Variants in KCNN3 observed in about 807,000 individuals in gnomAD.
KCNN3 encodes the protein potassium calcium-activated channel subfamily N member 3.
A neutral mutation model predicts 62.9 loss-of-function variants in KCNN3; 16 were observed. The observed-to-expected ratio is 0.25, with a 90% CI of 0.17 to 0.39. KCNN3 has a LOEUF of 0.39. Among genes scored for constraint, KCNN3 ranks in the 10% least tolerant of loss-of-function variants. KCNN3 has a pLI of 1.00. For missense variants in KCNN3, 599 were observed against 949.4 expected, an observed-to-expected ratio of 0.63 and a Z score of 4.85; for synonymous variants, 370 against 389.2, an observed-to-expected ratio of 0.95 and a Z score of 0.58.
rs1381000458 is a variant in KCNN3 at position 154,715,019 on chromosome 1, T to C, written c.1702-16A>G. On this transcript the variant is annotated splice_polypyrimidine_tract_variant and intron_variant, in intron 5 of 7. Coordinates refer to ENST00000271915, the MANE Select transcript of KCNN3 (RefSeq NM_002249.6). ...CATTCTTGATCTAAGGAAGAATAAA[T>C]AAAGTAGGCTGCTATCAGGTTCATT... 16 of 1,613,398 alleles carry C rather than the reference T, an allele frequency of 9.9e-6. No homozygotes were observed. The highest frequency in any genetic ancestry group is 1.7e-4 in the Middle Eastern group (1 of 6,056).
At chr1:154,798,843 C>T (rs752260959) in intron 2 of KCNN3, among the ~76,000 whole-genome samples, 45 of 152,174 alleles carry the variant, frequency 3.0e-4, no homozygotes, top group Middle Eastern at 6.8e-3. Flanking sequence ...TACCACCTCA[C>T]TATACTGTGG....
intron 2 of KCNN3, among the ~76,000 whole-genome samples, chr1:154,813,410 G>A (rs560067239): frequency 2.7e-4 from 41 of 152,200 alleles, no homozygotes; most frequent in African/African-American, 9.4e-4. Flanking sequence ...CTCCCGGGCC[G>A]CCTCCTCTTC....
chr1:154,782,580 G>A (rs896823340), intron 2 of KCNN3, among the ~76,000 whole-genome samples: 1 of 152,190 alleles, frequency 6.6e-6, no homozygotes, highest in Non-Finnish European at 1.5e-5. Flanking sequence ...CTTTCTCCAA[G>A]GCAGTTACAT....
chr1:154,868,988 A>G (rs1653069657), intron 1 of KCNN3, 44 bp downstream of exon 1: 2 of 1,582,524 alleles, frequency 1.3e-6, no homozygotes, highest in African/African-American at 1.4e-5. Flanking sequence ...TGCTACCTAC[A>G]TATTCCTTTT....
chr1:154,732,368 G>A (rs1700615130), intron 4 of KCNN3, among the ~76,000 whole-genome samples: 1 of 152,236 alleles, frequency 6.6e-6, no homozygotes, highest in Non-Finnish European at 1.5e-5. Context: ...CACCTGCTGG[G>A]CACCTGGAGA....
At chr1:154,752,077 C>T (rs1451720210) in intron 3 of KCNN3, among the ~76,000 whole-genome samples, 3 of 152,126 alleles carry the variant, frequency 2.0e-5, no homozygotes, top group Admixed American at 1.3e-4. Flanking sequence ...GTTAAGTCCT[C>T]GAAAGGCCTC....
Position 154,700,103 on chromosome 1 carries a change from A to T in KCNN3, c.*7873T>A, listed in dbSNP as rs767677674. On this transcript the variant is annotated 3_prime_UTR_variant, in exon 8 of 8. Coordinates refer to ENST00000271915, the MANE Select transcript of KCNN3 (RefSeq NM_002249.6). ...TTCACATCTTCAAATAATTCTGTAA[A>T]TGAGACTCAAGGAAGAGATAGCTTC... The T allele has an allele frequency of 8.5e-5, 13 of 152,130 alleles. No individual in the cohort carries two copies. Among genetic ancestry groups the T allele is most frequent in the Non-Finnish European group, 1.6e-4 (11 of 68,034 alleles). The allele number at this position is 152,130 out of a possible 1,614,324, so 9.4% of individuals were successfully genotyped here. A position where few individuals can be genotyped will look rare whatever the true frequency, so the allele number is the denominator to read the frequency against.
intron 3 of KCNN3, among the ~76,000 whole-genome samples, chr1:154,751,334 C>T (rs916057309): frequency 3.3e-5 from 5 of 152,182 alleles, no homozygotes; most frequent in South Asian, 2.1e-4. Context: ...CTCCCATTCT[C>T]GGGACAACTA....
chr1:154,798,070 C>T (rs1416532087), intron 2 of KCNN3, among the ~76,000 whole-genome samples: 1 of 152,216 alleles, frequency 6.6e-6, no homozygotes, highest in Non-Finnish European at 1.5e-5. Flanking sequence ...GACTGCCATA[C>T]TAAATCATCC....
intron 3 of KCNN3, among the ~76,000 whole-genome samples, chr1:154,737,376 G>T (rs1390676611): frequency 6.6e-6 from 1 of 152,140 alleles, no homozygotes; most frequent in Admixed American, 6.5e-5. Flanking sequence ...ACAAAAGACT[G>T]TATGACTTGG....
At chr1:154,868,630 T>C (rs1653042894) in intron 1 of KCNN3, among the ~76,000 whole-genome samples, 1 of 151,650 alleles carries the variant, frequency 6.6e-6, no homozygotes, top group Non-Finnish European at 1.5e-5. Flanking sequence ...AATTAATTGG[T>C]GCGTTAAGCT....
At chr1:154,780,174 C>G (rs1426980077) in intron 2 of KCNN3, among the ~76,000 whole-genome samples, 1 of 142,586 alleles carries the variant, frequency 7.0e-6, no homozygotes, top group African/African-American at 2.6e-5. Context: ...TGCAGGGAAG[C>G]TTGCCTTTTT....
rs191816136 is a variant in KCNN3 at position 154,720,920 on chromosome 1, G to A, written c.1701+4996C>T. Among the ~76,000 whole-genome samples the A allele has an allele frequency of 3.5e-3, 528 of 152,304 alleles. 2 individuals carry two copies. Among genetic ancestry groups the A allele is most frequent in the African/African-American group, 0.012 (503 of 41,548 alleles). On this transcript the variant is annotated intron_variant, in intron 5 of 7. Coordinates refer to ENST00000271915, the MANE Select transcript of KCNN3 (RefSeq NM_002249.6). ...CAAGGTGAAATCAGACACAGAAAGT[G>A]CTCAGACCCTCGTGGGGTCCAGGGT...
chr1:154,827,199 C>T (rs1471322163), intron 1 of KCNN3, among the ~76,000 whole-genome samples: 2 of 152,136 alleles, frequency 1.3e-5, no homozygotes, highest in Non-Finnish European at 2.9e-5. Flanking sequence ...GGAGAGGCTC[C>T]AAAATTGATT....
At chr1:154,835,474 G>C (rs941744623) in intron 1 of KCNN3, among the ~76,000 whole-genome samples, 3 of 152,184 alleles carry the variant, frequency 2.0e-5, no homozygotes, top group Admixed American at 2.0e-4. Context: ...CACTTTGCCA[G>C]GCTCATGGGC....
At chr1:154,828,771 T>C (rs1218550) in intron 1 of KCNN3, among the ~76,000 whole-genome samples, 39,929 of 152,202 alleles carry the variant, frequency 0.26, 5,459 homozygotes, top group Middle Eastern at 0.43. Context: ...TCTCTTGCCA[T>C]ACAGATGTCA....
chr1:154,829,415 A>G (rs1651288274), intron 1 of KCNN3, among the ~76,000 whole-genome samples: 1 of 152,098 alleles, frequency 6.6e-6, no homozygotes, highest in Non-Finnish European at 1.5e-5. Flanking sequence ...CATCTTTACC[A>G]CAGGTCCCAG....
intron 3 of KCNN3, among the ~76,000 whole-genome samples, chr1:154,760,233 A>G (rs942253190): frequency 4.0e-5 from 6 of 151,818 alleles, no homozygotes; most frequent in African/African-American, 1.5e-4. Context: ...ATTACTTATA[A>G]TAGCTAAGTC....
At chr1:154,847,101 C>T (rs1652097235) in intron 1 of KCNN3, among the ~76,000 whole-genome samples, 1 of 152,054 alleles carries the variant, frequency 6.6e-6, no homozygotes, top group East Asian at 1.9e-4. Context: ...CTGCCCCCTC[C>T]CCTGCCTGCC....
Sources: gnomAD v4.1 joint callset for allele counts (sites outside exome capture counted in the v4.1 genomes callset) on GRCh38, gnomAD v4.1.1 for gene constraint, MANE v1.5 for transcripts, NCBI Gene and HGNC (gene_info 2026-07-23, HGNC 2026-07-21) for gene names.